CD96: variants seen among roughly 807,000 people sequenced by gnomAD.
CD96 encodes CD96 molecule, also known as T-cell surface protein tactile.
In CD96, 70 loss-of-function variants were observed where a neutral mutation model predicts 71.3. The observed-to-expected ratio is 0.98, with a 90% CI of 0.81 to 1.20. The LOEUF is 1.20. Ranked by LOEUF, CD96 falls within the 50% of genes most tolerant of loss-of-function variation. The pLI is 0.00. For synonymous variants in CD96, 248 were observed against 233.0 expected (o/e 1.06, Z -0.59); for missense variants, 742 against 677.5 (o/e 1.10, Z -1.06).
chr3:111,646,875 C>T (rs1484258699), intron 12 of CD96, among the ~76,000 whole-genome samples: 2 of 151,930 alleles, frequency 1.3e-5, no homozygotes, highest in Admixed American at 6.6e-5. Context: ...CCATGGAATA[C>T]TATGAAACCA....
At chr3:111,615,941 C>T (rs990092984) in intron 8 of CD96, among the ~76,000 whole-genome samples, 1 of 152,146 alleles carries the variant, frequency 6.6e-6, no homozygotes, top group African/African-American at 2.4e-5. Flanking sequence ...ACTTCCTATG[C>T]CTGAAAAATT....
At chr3:111,659,924 T>C (rs981054747) in intron 14 of CD96, among the ~76,000 whole-genome samples, 2 of 152,208 alleles carry the variant, frequency 1.3e-5, no homozygotes, top group Non-Finnish European at 2.9e-5. Flanking sequence ...AACATCATAC[T>C]GAATAGGCAA....
chr3:111,659,691 C>T (rs1199522216), intron 14 of CD96, among the ~76,000 whole-genome samples: 1 of 152,160 alleles, frequency 6.6e-6, no homozygotes, highest in East Asian at 1.9e-4. Context: ...ATCAAGTAGG[C>T]TTTATTTCTG....
chr3:111,660,575 A>G (rs1213536081), intron 14 of CD96, among the ~76,000 whole-genome samples: 2 of 152,256 alleles, frequency 1.3e-5, no homozygotes, highest in Non-Finnish European at 2.9e-5. Context: ...ATCCAAAACA[A>G]AAAGAACAAA....
intron 8 of CD96, among the ~76,000 whole-genome samples, chr3:111,613,287 C>G (rs1440489165): frequency 6.6e-6 from 1 of 152,142 alleles, no homozygotes; most frequent in African/African-American, 2.4e-5. Context: ...GTGATGAGCT[C>G]TGTCCTGCTT....
intron 14 of CD96, among the ~76,000 whole-genome samples, chr3:111,658,514 G>A (rs1940284385): frequency 6.6e-6 from 1 of 152,196 alleles, no homozygotes; most frequent in Non-Finnish European, 1.5e-5. Flanking sequence ...CTAAGTTGAG[G>A]AAATTTTGAT....
intron 12 of CD96, among the ~76,000 whole-genome samples, chr3:111,641,366 C>G (rs955519743): frequency 3.3e-5 from 5 of 152,182 alleles, no homozygotes; most frequent in African/African-American, 9.7e-5. Context: ...TCAGACAAAA[C>G]AAACTTTAAA....
At chr3:111,624,232 T>G in intron 9 of CD96, 101 bp from the exon 10 acceptor site, 1 of 827,440 alleles carries the variant, frequency 1.2e-6, no homozygotes. Context: ...CAATTTCAGA[T>G]TTCCCCAAAG....
chr3:111,601,612 G>C (rs983990674), intron 7 of CD96, among the ~76,000 whole-genome samples: 4 of 152,092 alleles, frequency 2.6e-5, no homozygotes, highest in African/African-American at 9.7e-5. Flanking sequence ...AAAAATAGAA[G>C]CAATGGCAAC....
At chr3:111,638,617 TC>T (rs1308101255) in intron 12 of CD96, among the ~76,000 whole-genome samples, 5 of 152,300 alleles carry the variant, frequency 3.3e-5, no homozygotes, top group African/African-American at 9.6e-5. Flanking sequence ...CAAAATGTAA[TC>T]CCTCTTTTAT....
intron 5 of CD96, among the ~76,000 whole-genome samples, chr3:111,589,245 C>T (rs190437456): frequency 4.9e-4 from 74 of 152,182 alleles, no homozygotes; most frequent in Middle Eastern, 3.4e-3. Context: ...CCACCATGCC[C>T]GGCCTGTTTT....
At chr3:111,614,765 G>T (rs1421139639) in intron 8 of CD96, among the ~76,000 whole-genome samples, 1 of 152,184 alleles carries the variant, frequency 6.6e-6, no homozygotes, top group Non-Finnish European at 1.5e-5. Context: ...GACTCCTAAT[G>T]CAGCCTCTCC....
intron 3 of CD96, chr3:111,577,677 A>T: frequency 1.3e-6 from 1 of 773,698 alleles, no homozygotes; most frequent in South Asian, 1.4e-5. Flanking sequence ...GGTGTCTTAC[A>T]TAAGAGTTTC....
chr3:111,578,772 T>C (rs1158087027), intron 3 of CD96, among the ~76,000 whole-genome samples: 4 of 152,220 alleles, frequency 2.6e-5, no homozygotes, highest in Non-Finnish European at 5.9e-5. Flanking sequence ...ATACAGTTCA[T>C]AGAAGATTAT....
intron 2 of CD96, among the ~76,000 whole-genome samples, chr3:111,546,179 TAGAG>T (rs910288457): frequency 1.3e-5 from 2 of 151,978 alleles, no homozygotes; most frequent in South Asian, 2.1e-4. Flanking sequence ...GATATGATCA[TAGAG>T]AGAATATAAG....
Position 111,649,926 on chromosome 3 carries a change from C to T in CD96, c.*120C>T. 3 of 746,142 alleles carry T rather than the reference C, an allele frequency of 4.0e-6. No homozygotes were observed. Among genetic ancestry groups the T allele is most frequent in the Non-Finnish European group, 4.8e-6 (2 of 417,930 alleles). The allele number at this position is 746,142 out of a possible 1,614,324, so 46.2% of individuals were successfully genotyped here. On this transcript the variant is annotated 3_prime_UTR_variant, in exon 14 of 14. Transcript: ENST00000352690. ...CCTTTGCTGCAGCTGAAATGGAAGT[C>T]AGAAGTGAGTGACCTGTTTTCCCAG... is the stretch of plus-strand genomic sequence containing the variant.
At chr3:111,646,678 A>C (rs573637070) in intron 12 of CD96, among the ~76,000 whole-genome samples, 1 of 152,172 alleles carries the variant, frequency 6.6e-6, no homozygotes, top group Non-Finnish European at 1.5e-5. Context: ...AACTTAAAAA[A>C]AAAATTACTA....
intron 7 of CD96, among the ~76,000 whole-genome samples, chr3:111,604,608 C>G (rs1559751458): frequency 6.6e-6 from 1 of 152,194 alleles, no homozygotes; most frequent in Non-Finnish European, 1.5e-5. Flanking sequence ...CACTATGAGG[C>G]TGAACACCTC....
chr3:111,548,396 G>A (rs2107471472), intron 2 of CD96, among the ~76,000 whole-genome samples: 1 of 152,290 alleles, frequency 6.6e-6, no homozygotes, highest in South Asian at 2.1e-4. Flanking sequence ...TTGTGGACAA[G>A]AGTGGAAATA....
Sources: gnomAD v4.1 joint callset for allele counts (sites outside exome capture counted in the v4.1 genomes callset) on GRCh38, gnomAD v4.1.1 for gene constraint, MANE v1.5 for transcripts, NCBI Gene and HGNC (gene_info 2026-07-23, HGNC 2026-07-21) for gene names.